KNL1: variants seen among roughly 807,000 people sequenced by gnomAD.
KNL1 encodes the protein outer kinetochore KNL1 complex subunit KNL1.
A neutral mutation model predicts 201.3 loss-of-function variants in KNL1; 66 were observed. The observed-to-expected ratio is 0.33, with a 90% CI of 0.27 to 0.40. The LOEUF (loss-of-function observed/expected upper bound fraction) is 0.40. Among genes scored for constraint, KNL1 ranks in the 10% least tolerant of loss-of-function variants. The probability of loss-of-function intolerance (pLI) is 1.00; values close to 1 mark genes in which losing one functional copy is unlikely to be tolerated. For missense variants in KNL1, 2,815 were observed against 2,690.5 expected (o/e 1.05, Z -1.02); for synonymous variants, 895 against 899.2 (o/e 1.00, Z 0.08).
intron 24 of KNL1, among the ~76,000 whole-genome samples, chr15:40,657,741 C>T (rs919550097): frequency 7.9e-5 from 12 of 152,174 alleles, no homozygotes; most frequent in Admixed American, 5.9e-4. Flanking sequence ...CCACATTTCC[C>T]CTTTTTATAA....
chr15:40,644,002 G>A (rs1368210401), intron 14 of KNL1, among the ~76,000 whole-genome samples: 1 of 152,200 alleles, frequency 6.6e-6, no homozygotes, highest in Admixed American at 6.5e-5. Flanking sequence ...AGTCGGATGG[G>A]ACGAGAGACT....
At chr15:40,659,593 C>T (rs908869975) in intron 25 of KNL1, 132 bp downstream of exon 25, 7 of 615,946 alleles carry the variant, frequency 1.1e-5, no homozygotes, top group East Asian at 4.4e-5. Context: ...CCCGGGTTCA[C>T]GCCATTCTCC....
intron 1 of KNL1, among the ~76,000 whole-genome samples, chr15:40,602,174 C>T (rs1891821493): frequency 6.6e-6 from 1 of 151,592 alleles, no homozygotes; most frequent in Non-Finnish European, 1.5e-5. Flanking sequence ...TTACAGGCGC[C>T]CGCCACCGCG....
intron 17 of KNL1, 139 bp from the exon 18 acceptor site, chr15:40,650,162 T>G: frequency 1.7e-6 from 1 of 598,536 alleles, no homozygotes; most frequent in Non-Finnish European, 2.9e-6. Flanking sequence ...AGACTAGAAC[T>G]TCTGAACTTC....
At chr15:40,652,874 T>C (rs1490754577) in intron 21 of KNL1, among the ~76,000 whole-genome samples, 1 of 152,032 alleles carries the variant, frequency 6.6e-6, no homozygotes, top group African/African-American at 2.4e-5. Flanking sequence ...GAAATCACTA[T>C]ATGGTAACTG....
chr15:40,652,231 G>A, intron 21 of KNL1, 126 bp downstream of exon 21: 5 of 480,202 alleles, frequency 1.0e-5, no homozygotes, highest in Non-Finnish European at 1.8e-5. Context: ...GAAAGTCTTA[G>A]AACAGTCACT....
At position 40,663,146 on chromosome 15, in the gene KNL1, G is replaced by T. The variant is rs887028126; in HGVS notation, c.*958G>T. On this transcript the variant is annotated 3_prime_UTR_variant, in exon 26 of 26. Coordinates refer to ENST00000399668, the MANE Select transcript of KNL1 (RefSeq NM_144508.5). Reference sequence around the variant, plus strand: ...ATGATCTCAGCTCACTGCAAGCTCCGCCTCCTGGGTTCACGCCATTCTCCT... The same window carrying T: ...ATGATCTCAGCTCACTGCAAGCTCCTCCTCCTGGGTTCACGCCATTCTCCT... 6.4e-6 allele frequency: 1 copy of T among 156,918 alleles called. No homozygotes were observed. The highest frequency in any genetic ancestry group is 2.1e-4 in the South Asian group (1 of 4,846). The allele number at this position is 156,918 out of a possible 1,614,324, so 9.7% of individuals were successfully genotyped here. A position where few individuals can be genotyped will look rare whatever the true frequency, so the allele number is the denominator to read the frequency against.
chr15:40,659,013 G>A (rs1010405812), intron 24 of KNL1, among the ~76,000 whole-genome samples: 1 of 151,752 alleles, frequency 6.6e-6, no homozygotes, highest in African/African-American at 2.4e-5. Flanking sequence ...ATTGTGCTGG[G>A]ACAGTGGCTC....
chr15:40,606,824 A>G (rs4924485), intron 4 of KNL1, among the ~76,000 whole-genome samples: 1 of 152,174 alleles, frequency 6.6e-6, no homozygotes, highest in African/African-American at 2.4e-5. Context: ...CAATGGTGCG[A>G]TCATGGCTCA....
chr15:40,648,611 G>A (rs1041766274), intron 17 of KNL1, among the ~76,000 whole-genome samples: 1 of 152,124 alleles, frequency 6.6e-6, no homozygotes, highest in African/African-American at 2.4e-5. Context: ...CATCTCATGT[G>A]TTTATTTTCC....
Position 40,662,157 on chromosome 15 carries a change from A to T in KNL1, c.6920A>T (p.Asp2307Val). The T allele has an allele frequency of 6.2e-7, 1 of 1,610,816 alleles. No individual in the cohort carries two copies. Among genetic ancestry groups the T allele is most frequent in the African/African-American group, 1.3e-5 (1 of 74,706 alleles). Residue 2307 changes from aspartate (D) to valine (V), a missense_variant, in exon 26 of 26, where the codon GAT (aspartate) becomes GTT (valine). This residue lies in a region of KNL1 where 334 missense variants were observed against 362.6 expected (regional missense o/e 0.92). Coordinates refer to ENST00000399668, the MANE Select transcript of KNL1 (RefSeq NM_144508.5). ...LKNVVKQIYQ[D>V]LFQDCHFYH is the part of the protein sequence containing the mutation. ...AATGTAGTCAAGCAAATTTACCAAGATCTGTTTCAGGACTGCCATTTCTAC... is the reference window on the plus strand; with the variant it reads ...AATGTAGTCAAGCAAATTTACCAAGTTCTGTTTCAGGACTGCCATTTCTAC...
intron 22 of KNL1, among the ~76,000 whole-genome samples, chr15:40,656,346 T>G (rs148232925): frequency 0.012 from 1,830 of 151,948 alleles, 35 homozygotes; most frequent in African/African-American, 0.042. Flanking sequence ...GGCAGGAGAA[T>G]TGCCTGAATC....
chr15:40,607,496 G>T (rs776935602), intron 4 of KNL1, among the ~76,000 whole-genome samples: 1 of 151,980 alleles, frequency 6.6e-6, no homozygotes, highest in Non-Finnish European at 1.5e-5. Context: ...CTTATGGTTA[G>T]GTATTCAGAA....
rs911912975 is a variant in KNL1 at position 40,663,034 on chromosome 15, T to C, written c.*846T>C. 5 of 176,814 alleles carry C rather than the reference T, an allele frequency of 2.8e-5. No individual in the cohort carries two copies. The highest frequency in any genetic ancestry group is 4.9e-5 in the Non-Finnish European group (4 of 82,292). The allele number at this position is 176,814 out of a possible 1,614,324, so 11.0% of individuals were successfully genotyped here. A position where few individuals can be genotyped will look rare whatever the true frequency, so the allele number is the denominator to read the frequency against. ...GCCATCTTTTTTTGAAGGCCTTGCT[T>C]TTTATTCTATGGTGTCTATTATGTT... On this transcript the variant is annotated 3_prime_UTR_variant, in exon 26 of 26. Coordinates refer to ENST00000399668, the MANE Select transcript of KNL1 (RefSeq NM_144508.5).
At chr15:40,627,808 T>C (rs1468881656) in intron 10 of KNL1, among the ~76,000 whole-genome samples, 1 of 152,172 alleles carries the variant, frequency 6.6e-6, no homozygotes, top group Non-Finnish European at 1.5e-5. Flanking sequence ...ATTTGATAGC[T>C]TACAGGATCT....
In KNL1 at chr15:40,640,970, G is replaced by A. The variant is rs773860092; in HGVS notation, c.5741G>A (p.Arg1914Gln). 5.0e-6 allele frequency: 8 copies of A among 1,613,194 alleles called. No homozygotes were observed. Among genetic ancestry groups the A allele is most frequent in the Middle Eastern group, 1.6e-4 (1 of 6,080 alleles). ...CTGATGTTAAGTCAATATGTTTACC[G>A]ACCCAAGATACAGATTTATAGAGAA... is the stretch of plus-strand genomic sequence containing the variant. ...EDLMLSQYVY[R>Q]PKIQIYREDC... The change falls in exon 14 of 26, where the codon CGA (arginine) becomes CAA (glutamine). Residue 1914 changes from arginine to glutamine, a missense_variant. Arg to Gln is a conservative substitution (Grantham distance 43). This residue lies in a region of KNL1 where 2,464 missense variants were observed against 2,291.7 expected (regional missense o/e 1.08). Coordinates refer to ENST00000399668, the MANE Select transcript of KNL1 (RefSeq NM_144508.5).
intron 13 of KNL1, among the ~76,000 whole-genome samples, chr15:40,637,995 C>T (rs773694418): frequency 6.6e-6 from 1 of 151,658 alleles, no homozygotes; most frequent in Non-Finnish European, 1.5e-5. Context: ...CTGGGCAACA[C>T]GGTGAAACCC....
intron 13 of KNL1, among the ~76,000 whole-genome samples, chr15:40,632,126 C>G (rs1567014106): frequency 6.6e-6 from 1 of 151,476 alleles, no homozygotes; most frequent in African/African-American, 2.4e-5. Context: ...TGGCTGGTGT[C>G]TGTAATTCTA....
Position 40,659,360 on chromosome 15 carries a change from C to T in KNL1, c.6735C>T (p.Ser2245=), listed in dbSNP as rs759661085. Residue 2245 remains serine (S), a synonymous_variant, in exon 25 of 26, where the codon AGC becomes AGT. Transcript: ENST00000399668. ...NNNELRLLFS[S]SAAFAKFEIT... is the part of the protein sequence containing the mutation. Reference sequence around the variant, plus strand: ...ACAGATTGAGACTTTTATTCTCTAGCTCCGCAGCATTTGCAAAGTTTGAAA... The same window carrying T: ...ACAGATTGAGACTTTTATTCTCTAGTTCCGCAGCATTTGCAAAGTTTGAAA... 2.3e-5 allele frequency: 37 copies of T among 1,612,706 alleles called. No individual in the cohort carries two copies. Among genetic ancestry groups the T allele is most frequent in the Middle Eastern group, 1.6e-4 (1 of 6,082 alleles).
Sources: allele counts gnomAD v4.1 joint callset (sites outside exome capture counted in the v4.1 genomes callset), GRCh38; gene constraint gnomAD v4.1.1; regional missense constraint gnomAD v4.1.1; transcripts MANE v1.5; gene names NCBI Gene and HGNC (gene_info 2026-07-23, HGNC 2026-07-21).